The following SCCPDH variants were observed in gnomAD, a reference collection of about 807,000 sequenced individuals.
SCCPDH encodes the protein saccharopine dehydrogenase (putative), also known as saccharopine dehydrogenase-like oxidoreductase.
SCCPDH carries 34 observed loss-of-function variants against 51.5 expected under a neutral mutation model. The ratio of observed to expected loss-of-function variants is 0.66; its 90% CI spans 0.50 to 0.88. SCCPDH has a LOEUF of 0.88. SCCPDH is among the 40% of genes least tolerant of loss of function. SCCPDH has a pLI of 0.00. For missense variants in SCCPDH, 464 were observed against 527.1 expected, an observed-to-expected ratio of 0.88 and a Z score of 1.17; for synonymous variants, 187 against 191.3, an observed-to-expected ratio of 0.98 and a Z score of 0.19.
Position 246,744,067 on chromosome 1 carries a change from C to T in SCCPDH, c.515-9C>T, listed in dbSNP as rs1321719165. On this transcript the variant is annotated splice_polypyrimidine_tract_variant and intron_variant, in intron 4 of 11. Coordinates refer to ENST00000366510, the MANE Select transcript of SCCPDH (RefSeq NM_016002.3). ...TATTTTGCTTTTTACCATTCTCCTA[C>T]TCTTTTAGGTACTTTGACTGCTGTG... The T allele has an allele frequency of 1.9e-6, 3 of 1,565,588 alleles. No individual in the cohort carries two copies. The highest frequency in any genetic ancestry group is 2.6e-6 in the Non-Finnish European group (3 of 1,142,926).
intron 3 of SCCPDH, among the ~76,000 whole-genome samples, chr1:246,739,777 C>G (rs1001977487): frequency 6.6e-6 from 1 of 152,124 alleles, no homozygotes; most frequent in Non-Finnish European, 1.5e-5. Context: ...CCTCTGCCAC[C>G]ATCTACTTTC....
At chr1:246,732,058 C>G (rs376970541) in intron 2 of SCCPDH, among the ~76,000 whole-genome samples, 33 of 152,206 alleles carry the variant, frequency 2.2e-4, no homozygotes, top group African/African-American at 7.5e-4. Flanking sequence ...CTTTTTTATG[C>G]CTGTATAGTA....
intron 2 of SCCPDH, among the ~76,000 whole-genome samples, chr1:246,734,378 G>T (rs1324021738): frequency 6.6e-6 from 1 of 152,152 alleles, no homozygotes; most frequent in African/African-American, 2.4e-5. Flanking sequence ...TATTCATTTG[G>T]TAGGCAATTT....
chr1:246,736,122 T>G (rs980652427), intron 3 of SCCPDH, 67 bp downstream of exon 3: 1 of 1,027,166 alleles, frequency 9.7e-7, no homozygotes, highest in African/African-American at 1.6e-5. Flanking sequence ...AGTGGAAATA[T>G]TTAGTGTAAT....
intron 5 of SCCPDH, among the ~76,000 whole-genome samples, chr1:246,746,429 C>T (rs1312506251): frequency 1.3e-5 from 2 of 152,172 alleles, no homozygotes; most frequent in Non-Finnish European, 2.9e-5. Flanking sequence ...AGGCCCAGGA[C>T]GCGGCGCCGG....
intron 4 of SCCPDH, 152 bp downstream of exon 4, chr1:246,740,453 C>T: frequency 1.8e-6 from 1 of 548,144 alleles, no homozygotes; most frequent in Non-Finnish European, 3.1e-6. Context: ...AATATAGCTG[C>T]ACTTTTAATA....
At chr1:246,735,821 T>C (rs61852479) in intron 2 of SCCPDH, among the ~76,000 whole-genome samples, 154 bp from the exon 3 acceptor site, 25,210 of 152,228 alleles carry the variant, frequency 0.17, 3,286 homozygotes, top group African/African-American at 0.35. Context: ...TGTGAGCCAC[T>C]GTGCCTGGCC....
At chr1:246,757,742 G>A (rs550689301) in intron 5 of SCCPDH, among the ~76,000 whole-genome samples, 32 of 152,268 alleles carry the variant, frequency 2.1e-4, no homozygotes, top group Non-Finnish European at 3.1e-4. Flanking sequence ...GGAGGTAGAC[G>A]GGGAACCAGG....
intron 4 of SCCPDH, among the ~76,000 whole-genome samples, chr1:246,741,252 A>G (rs1287043291): frequency 1.3e-5 from 2 of 152,208 alleles, no homozygotes; most frequent in Non-Finnish European, 2.9e-5. Context: ...TAGCACACAC[A>G]CACACAAACT....
At position 246,760,028 on chromosome 1, in the gene SCCPDH, C is replaced by T. The variant is rs13150; in HGVS notation, c.885C>T (p.Phe295=). 2 of 1,613,662 alleles carry T rather than the reference C, an allele frequency of 1.2e-6. No homozygotes were observed. Among genetic ancestry groups the T allele is most frequent in the African/African-American group, 2.7e-5 (2 of 75,030 alleles). Residue 295 remains phenylalanine, a synonymous_variant, in exon 8 of 12, where the codon TTC becomes TTT. Transcript: ENST00000366510. ...TTAAGCTGATGTTTGCAGGACTTTT[C>T]TTTTTGTTCTTTGTGAGGTTTGGAA... ...SVIKLMFAGL[F]FLFFVRFGIG... is the part of the protein sequence containing the mutation.
chr1:246,725,742 CT>C (rs1668388154), intron 1 of SCCPDH, among the ~76,000 whole-genome samples: 1 of 152,126 alleles, frequency 6.6e-6, no homozygotes, highest in African/African-American at 2.4e-5. Flanking sequence ...GCTTCCATTT[CT>C]TTTTTCGGCT....
intron 5 of SCCPDH, among the ~76,000 whole-genome samples, chr1:246,748,390 C>T (rs868155996): frequency 3.3e-5 from 5 of 152,288 alleles, no homozygotes; most frequent in South Asian, 4.1e-4. Flanking sequence ...CTTTGTAAGG[C>T]GCTCGTTGTG....
intron 3 of SCCPDH, 147 bp from the exon 4 acceptor site, chr1:246,740,025 A>G (rs2102983595): frequency 1.8e-6 from 1 of 541,864 alleles, no homozygotes; most frequent in Non-Finnish European, 3.1e-6. Flanking sequence ...ATAAGTGGAA[A>G]ATATTTTGAC....
At chr1:246,744,010 A>T (rs1262892643) in intron 4 of SCCPDH, 66 bp from the exon 5 acceptor site, 1 of 970,474 alleles carries the variant, frequency 1.0e-6, no homozygotes, top group Non-Finnish European at 1.6e-6. Flanking sequence ...ATTGTTTATT[A>T]TTACTTACCC....
chr1:246,726,994 G>A lies in SCCPDH; in HGVS notation c.293G>A (p.Cys98Tyr). 1 of 1,607,156 alleles carries A rather than the reference G, an allele frequency of 6.2e-7. No individual in the cohort carries two copies. The highest frequency in any genetic ancestry group is 8.5e-7 in the Non-Finnish European group (1 of 1,173,558). ...MAKQATVVLN[C>Y]VGPYRFYGEP... The stretch of plus-strand genomic sequence containing the variant: ...AAACAGGCAACAGTTGTCCTCAATT[G>A]CGTAGGACCAGTAAGTAATCAACCC... The change falls in exon 2 of 12, where the codon TGC (cysteine) becomes TAC (tyrosine). Residue 98 changes from cysteine (C) to tyrosine (Y), a missense_variant. Physicochemically the swap from Cys to Tyr is radical, Grantham distance 194. Transcript: ENST00000366510.
Position 246,760,202 on chromosome 1 carries a change from C to T in SCCPDH, c.965C>T (p.Ser322Leu). Residue 322 changes from serine to leucine, a missense_variant, in exon 9 of 12, where the codon TCA becomes TTA. Transcript: ENST00000366510. Reference sequence around the variant, plus strand: ...TGGTTCTTCTCCTTTGGCTATTTTTCAAAACAAGGCCCAACACAAAAACAG... The same window carrying T: ...TGGTTCTTCTCCTTTGGCTATTTTTTAAAACAAGGCCCAACACAAAAACAG... ...FPWFFSFGYF[S>L]KQGPTQKQID... 6.2e-7 allele frequency: 1 copy of T among 1,609,052 alleles called. No homozygotes were observed. Among genetic ancestry groups the T allele is most frequent in the Non-Finnish European group, 8.5e-7 (1 of 1,178,802 alleles).
In SCCPDH at chr1:246,759,060, T is replaced by G. The variant is rs1668974875; in HGVS notation, c.722T>G (p.Leu241Arg). The stretch of plus-strand genomic sequence containing the variant: ...TGGCCAATTTCTTATTGTCGGGAAC[T>G]CAAAGGTTATTCCATTCCTTTTATG... ...RRWPISYCRE[L>R]KGYSIPFMGS... is the part of the protein sequence containing the mutation. The change falls in exon 7 of 12, where the codon CTC becomes CGC. Residue 241 changes from leucine to arginine, a missense_variant. By Grantham distance (102) the Leu-to-Arg change is moderately radical (BLOSUM62 -2). Transcript: ENST00000366510. 7 of 1,609,186 alleles carry G rather than the reference T, an allele frequency of 4.4e-6. No homozygotes were observed. Among genetic ancestry groups the G allele is most frequent in the Non-Finnish European group, 6.0e-6 (7 of 1,175,606 alleles).
intron 5 of SCCPDH, among the ~76,000 whole-genome samples, chr1:246,751,924 C>T (rs978726703): frequency 1.4e-5 from 2 of 147,954 alleles, no homozygotes; most frequent in Non-Finnish European, 3.0e-5. Context: ...AGGCTCCCGC[C>T]ACCACGCCCG....
chr1:246,762,764 T>C (rs530454418), intron 9 of SCCPDH, among the ~76,000 whole-genome samples: 211 of 146,360 alleles, frequency 1.4e-3, no homozygotes, highest in Admixed American at 2.1e-3. Flanking sequence ...TTGCTTGAAC[T>C]CAGGAGGTGG....
Sources: allele counts gnomAD v4.1 joint callset (sites outside exome capture counted in the v4.1 genomes callset), GRCh38; gene constraint gnomAD v4.1.1; transcripts MANE v1.5; gene names NCBI Gene and HGNC (gene_info 2026-07-23, HGNC 2026-07-21).